The following SP140 variants were observed in gnomAD, a reference collection of about 807,000 sequenced individuals.
SP140 encodes the protein SP140 nuclear body protein, also known as nuclear body protein SP140.
In SP140, 81 loss-of-function variants were observed where a neutral mutation model predicts 125.0. The observed-to-expected ratio is 0.65, with a 90% CI of 0.54 to 0.78. The LOEUF is 0.78. Ranked by LOEUF, SP140 falls within the 30% of genes least tolerant of loss-of-function variation. The pLI, the probability that SP140 is intolerant of heterozygous loss-of-function variation, is 0.00. For missense variants in SP140, 858 were observed against 1,037.0 expected (o/e 0.83, Z 2.37); for synonymous variants, 312 against 354.0 (o/e 0.88, Z 1.33).
chr2:230,278,003 G>A (rs2054977776), intron 15 of SP140, among the ~76,000 whole-genome samples: 1 of 152,070 alleles, frequency 6.6e-6, no homozygotes, highest in Admixed American at 6.6e-5. Context: ...ATACCCCAAA[G>A]TGAGATTTCT....
intron 3 of SP140, chr2:230,216,703 G>T (rs2045219373): frequency 1.3e-6 from 2 of 1,561,230 alleles, no homozygotes; most frequent in Middle Eastern, 4.3e-4. Flanking sequence ...AAGCCCTGGT[G>T]GTTTGTGGTT....
At chr2:230,269,469 G>A (rs1244028826) in intron 12 of SP140, 63 bp from the exon 13 acceptor site, 2 of 1,038,274 alleles carry the variant, frequency 1.9e-6, no homozygotes, top group Non-Finnish European at 3.1e-6. Context: ...TAGCAGCACT[G>A]GAAACTCTTC....
intron 16 of SP140, among the ~76,000 whole-genome samples, chr2:230,285,241 C>T (rs1278019958): frequency 2.0e-5 from 3 of 152,160 alleles, no homozygotes; most frequent in Admixed American, 2.0e-4. Context: ...GGTCTGAGGA[C>T]TTCCATTCTT....
Position 230,279,983 on chromosome 2 carries a change from C to T in SP140, c.1499-4363C>T, listed in dbSNP as rs147479360. ...GTCAATATTTGTAAATGTTTTCTGC[C>T]CCTTGAGAATAATGTACATTTGAAC... On this transcript the variant is annotated intron_variant, in intron 15 of 26. Transcript: ENST00000392045. Among the ~76,000 whole-genome samples, 8 of 151,856 alleles carry T rather than the reference C, an allele frequency of 5.3e-5. No individual in the cohort carries two copies. The East Asian group carries it at 1.6e-3, about 29-fold the overall frequency.
chr2:230,290,084 G>T (rs1170190640), intron 18 of SP140, among the ~76,000 whole-genome samples: 1 of 152,046 alleles, frequency 6.6e-6, no homozygotes, highest in Non-Finnish European at 1.5e-5. Context: ...ATGATCTCTG[G>T]AGTCATCTAA....
intron 17 of SP140, among the ~76,000 whole-genome samples, chr2:230,287,152 T>C (rs73106372): frequency 0.2 from 30,196 of 152,168 alleles, 3,350 homozygotes; most frequent in African/African-American, 0.3. Context: ...AATTACTATT[T>C]GGAATGAAGG....
chr2:230,195,851 A>G, the SP140 span, among the ~76,000 whole-genome samples: 1 of 152,178 alleles, frequency 6.6e-6, no homozygotes, highest in Non-Finnish European at 1.5e-5. Context: ...CAAAAACAAA[A>G]TTTAAATATA....
chr2:230,240,007 G>T (rs941851174), intron 3 of SP140, among the ~76,000 whole-genome samples: 25 of 152,264 alleles, frequency 1.6e-4, no homozygotes, highest in African/African-American at 6.0e-4. Context: ...CACTTCCTGT[G>T]TTTGGGTGAC....
intron 12 of SP140, 40 bp downstream of exon 12, chr2:230,255,572 A>G (rs2051059484): frequency 6.3e-7 from 1 of 1,587,884 alleles, no homozygotes. Context: ...TGGGCTGCAG[A>G]GTGTCAGGAG....
chr2:230,293,567 C>T (rs554632017), intron 20 of SP140, among the ~76,000 whole-genome samples: 101 of 152,156 alleles, frequency 6.6e-4, no homozygotes, highest in Non-Finnish European at 1.4e-3. Context: ...GAATTCCTGG[C>T]GTCAAGCGGG....
At chr2:230,281,530 T>C (rs1339887235) in intron 15 of SP140, among the ~76,000 whole-genome samples, 1 of 152,226 alleles carries the variant, frequency 6.6e-6, no homozygotes. Flanking sequence ...AACATGATCA[T>C]CACCCTGGAA....
At chr2:230,253,681 A>G (rs1270633719) in intron 11 of SP140, among the ~76,000 whole-genome samples, 3 of 152,164 alleles carry the variant, frequency 2.0e-5, no homozygotes, top group Admixed American at 1.3e-4. Context: ...GGCTGGGGGC[A>G]CCAGAGAAGA....
intron 15 of SP140, among the ~76,000 whole-genome samples, chr2:230,273,086 T>G (rs1405159525): frequency 6.6e-6 from 1 of 151,956 alleles, no homozygotes; most frequent in Non-Finnish European, 1.5e-5. Context: ...AAGCAAAAAT[T>G]GAAAAATGGG....
chr2:230,238,773 C>T (rs971515339), intron 3 of SP140: 1 of 1,551,262 alleles, frequency 6.4e-7, no homozygotes, highest in Non-Finnish European at 8.7e-7. Flanking sequence ...AATTTATCAT[C>T]CAGTGCAGTC....
chr2:230,245,852 T>TCTG lies in SP140; in HGVS notation c.665-10_665-9insTGC. 2 of 1,580,088 alleles carry TCTG rather than the reference T, an allele frequency of 1.3e-6. No homozygotes were observed. On this transcript the variant is annotated splice_polypyrimidine_tract_variant and intron_variant, in intron 6 of 26. Coordinates refer to ENST00000392045, the MANE Select transcript of SP140 (RefSeq NM_007237.5). ...GCCAATTGTCTGTCATGTTCCTCTT[T>TCTG]CACTCTGCAGTGTCCTGTAAACTTG...
upstream of SP140, among the ~76,000 whole-genome samples, chr2:230,224,756 G>A (rs550004947): frequency 1.3e-5 from 2 of 152,302 alleles, no homozygotes; most frequent in South Asian, 4.1e-4. Context: ...GAAAAATACT[G>A]CTTTGCCTCT....
chr2:230,261,859 A>G (rs2052316234), intron 12 of SP140, among the ~76,000 whole-genome samples: 1 of 152,176 alleles, frequency 6.6e-6, no homozygotes, highest in African/African-American at 2.4e-5. Context: ...GTTGGCAAGT[A>G]TTTTGTTAAG....
chr2:230,315,061 T>C (rs2149654736), downstream of SP140, among the ~76,000 whole-genome samples: 1 of 152,310 alleles, frequency 6.6e-6, no homozygotes, highest in Non-Finnish European at 1.5e-5. Context: ...GCTGTTCCTA[T>C]AGGCAAGATA....
At chr2:230,304,035 T>C (rs575823899) in intron 22 of SP140, among the ~76,000 whole-genome samples, 1 of 152,172 alleles carries the variant, frequency 6.6e-6, no homozygotes, top group Admixed American at 6.5e-5. Flanking sequence ...CTCCTAGATA[T>C]GATAAATGAA....
Sources: gnomAD v4.1 joint callset for allele counts (sites outside exome capture counted in the v4.1 genomes callset) on GRCh38, gnomAD v4.1.1 for gene constraint, MANE v1.5 for transcripts, NCBI Gene and HGNC (gene_info 2026-07-23, HGNC 2026-07-21) for gene names.